The following CSMD1 variants were observed in gnomAD, a reference collection of about 807,000 sequenced individuals.
CSMD1 encodes the protein CUB and sushi domain-containing protein 1.
In CSMD1, 213 loss-of-function variants were observed where a neutral mutation model predicts 417.5. The ratio of observed to expected loss-of-function variants is 0.51; its 90% CI spans 0.46 to 0.57. The LOEUF (loss-of-function observed/expected upper bound fraction) is 0.57, where lower values mean the gene tolerates loss of function less well. Among genes scored for constraint, CSMD1 ranks in the 20% least tolerant of loss-of-function variants. The probability of loss-of-function intolerance (pLI) is 0.00; values close to 1 mark genes in which losing one functional copy is unlikely to be tolerated. For missense variants in CSMD1, 6,923 were observed against 4,529.7 expected (o/e 1.53, Z -15.17); for synonymous variants, 2,862 against 1,736.8 (o/e 1.65, Z -16.11).
intron 3 of CSMD1, among the ~76,000 whole-genome samples, chr8:4,307,875 T>G (rs1253540615): frequency 6.6e-6 from 1 of 152,020 alleles, no homozygotes; most frequent in African/African-American, 2.4e-5. Flanking sequence ...GAGCAAGAAG[T>G]GTTCAGTAGA....
intron 26 of CSMD1, among the ~76,000 whole-genome samples, chr8:3,239,032 A>C (rs974277886): frequency 2.6e-5 from 4 of 152,206 alleles, no homozygotes; most frequent in Admixed American, 2.0e-4. Context: ...GGCCTAAGAA[A>C]AAGGAACATC....
chr8:3,922,200 CTCT>C (rs1266210521), intron 5 of CSMD1, among the ~76,000 whole-genome samples: 12 of 152,080 alleles, frequency 7.9e-5, no homozygotes, highest in African/African-American at 2.9e-4. Context: ...CAACCCTACT[CTCT>C]TCTTTTTAAC....
chr8:3,177,351 G>A (rs911839073), intron 37 of CSMD1, among the ~76,000 whole-genome samples: 1 of 152,154 alleles, frequency 6.6e-6, no homozygotes, highest in Non-Finnish European at 1.5e-5. Context: ...CAGTGCAGAG[G>A]CTCTGTGACG....
At chr8:4,690,121 G>T (rs961430362) in intron 1 of CSMD1, among the ~76,000 whole-genome samples, 5 of 152,166 alleles carry the variant, frequency 3.3e-5, no homozygotes, top group African/African-American at 1.2e-4. Context: ...ACAAATTCAT[G>T]ATATTGTGAA....
chr8:3,688,412 A>G (rs1244832901), intron 7 of CSMD1, among the ~76,000 whole-genome samples: 1 of 152,198 alleles, frequency 6.6e-6, no homozygotes, highest in Non-Finnish European at 1.5e-5. Flanking sequence ...TTGAATTTAG[A>G]TTTTAGACTT....
intron 2 of CSMD1, among the ~76,000 whole-genome samples, chr8:4,471,271 C>T (rs1350158815): frequency 1.3e-5 from 2 of 152,066 alleles, no homozygotes; most frequent in Non-Finnish European, 2.9e-5. Flanking sequence ...AAATCAGGAA[C>T]AATAAATTTC....
intron 51 of CSMD1, among the ~76,000 whole-genome samples, chr8:3,020,457 C>T (rs1377266002): frequency 6.6e-6 from 1 of 152,176 alleles, no homozygotes; most frequent in Non-Finnish European, 1.5e-5. Context: ...GCAGCCCTGA[C>T]CTCCTGGGTT....
chr8:3,252,480 AT>A lies in CSMD1; in HGVS notation c.4154-22250del, dbSNP rs554973647. ...TCACTTTGCCAGTATTTTATTGAGG[AT>A]TTTTGCTTTGATGTTCATCAGGGAT... On this transcript the variant is annotated intron_variant, in intron 26 of 69. Coordinates refer to ENST00000635120, the MANE Select transcript of CSMD1 (RefSeq NM_033225.6). Among the ~76,000 whole-genome samples the A allele has an allele frequency of 4.6e-3, 698 of 151,958 alleles. 12 individuals are homozygous for A. Among genetic ancestry groups the A allele is most frequent in the African/African-American group, 0.016 (675 of 41,412 alleles).
intron 3 of CSMD1, among the ~76,000 whole-genome samples, chr8:4,032,673 A>T (rs1585170850): frequency 6.6e-6 from 1 of 152,218 alleles, no homozygotes; most frequent in Non-Finnish European, 1.5e-5. Context: ...ATGTTCCACT[A>T]CTGTATTCCA....
intron 3 of CSMD1, among the ~76,000 whole-genome samples, chr8:4,118,897 A>C (rs1563147161): frequency 6.6e-6 from 1 of 152,202 alleles, no homozygotes; most frequent in African/African-American, 2.4e-5. Flanking sequence ...TACACCATGG[A>C]ATACTATGCA....
intron 1 of CSMD1, among the ~76,000 whole-genome samples, chr8:4,762,944 G>T (rs1162989243): frequency 6.6e-6 from 1 of 152,110 alleles, no homozygotes; most frequent in East Asian, 1.9e-4. Flanking sequence ...AGTCTAGACT[G>T]GCTTATATTT....
intron 9 of CSMD1, 102 bp from the exon 10 acceptor site, chr8:3,575,168 AG>A: frequency 5.7e-5 from 57 of 1,006,854 alleles, no homozygotes; most frequent in African/African-American, 6.2e-5. Context: ...ATCTAATCAC[AG>A]TAAAAAAAAA....
intron 1 of CSMD1, among the ~76,000 whole-genome samples, chr8:4,686,930 C>T (rs1425420033): frequency 2.6e-5 from 4 of 152,172 alleles, no homozygotes; most frequent in Admixed American, 1.3e-4. Context: ...AATGGAGACG[C>T]ACTTGGAAGT....
chr8:3,502,621 G>A (rs1796654118), intron 10 of CSMD1, among the ~76,000 whole-genome samples: 2 of 152,242 alleles, frequency 1.3e-5, no homozygotes, highest in African/African-American at 2.4e-5. Context: ...AGAAGGTGAC[G>A]TGTTGCAACA....
chr8:3,512,600 C>CT (rs760320227), intron 10 of CSMD1, among the ~76,000 whole-genome samples: 1,944 of 127,670 alleles, frequency 0.015, 39 homozygotes, highest in African/African-American at 0.04. Context: ...TAATTTTTTT[C>CT]TTTTTTTTTT....
At chr8:3,355,669 T>C (rs1333926399) in intron 21 of CSMD1, among the ~76,000 whole-genome samples, 1 of 152,184 alleles carries the variant, frequency 6.6e-6, no homozygotes, top group African/African-American at 2.4e-5. Context: ...TTACCCAGAC[T>C]GGCAAAACTG....
intron 50 of CSMD1, among the ~76,000 whole-genome samples, chr8:3,051,589 C>A (rs1811820298): frequency 6.6e-6 from 1 of 151,982 alleles, no homozygotes. Flanking sequence ...TATCCCTGAA[C>A]CTAAAATAAA....
At chr8:3,065,052 G>C (rs1460171778) in intron 49 of CSMD1, among the ~76,000 whole-genome samples, 1 of 151,810 alleles carries the variant, frequency 6.6e-6, no homozygotes. Context: ...TTTACTTAAT[G>C]GAAAAAGTAA....
intron 49 of CSMD1, among the ~76,000 whole-genome samples, chr8:3,072,399 C>T (rs1188142534): frequency 6.6e-6 from 1 of 152,110 alleles, no homozygotes. Flanking sequence ...TAGCTAAGAA[C>T]AAGCTTCAGA....
Sources: gnomAD v4.1 joint callset for allele counts (sites outside exome capture counted in the v4.1 genomes callset) on GRCh38, gnomAD v4.1.1 for gene constraint, MANE v1.5 for transcripts, NCBI Gene and HGNC (gene_info 2026-07-23, HGNC 2026-07-21) for gene names.